The following FBXO39 variants were observed in gnomAD, a reference collection of about 807,000 sequenced individuals.
FBXO39 encodes F-box protein 39, also known as F-box only protein 39.
In FBXO39, 22 loss-of-function variants were observed where a neutral mutation model predicts 36.6. The ratio of observed to expected loss-of-function variants is 0.60; its 90% CI spans 0.43 to 0.86. The LOEUF (loss-of-function observed/expected upper bound fraction) is 0.86. Among genes scored for constraint, FBXO39 ranks in the 40% least tolerant of loss-of-function variants. FBXO39 has a pLI of 0.00. For missense variants in FBXO39, 536 were observed against 543.9 expected (o/e 0.99, Z 0.14); for synonymous variants, 206 against 205.8 (o/e 1.00, Z -0.01).
At chr17:6,777,984 C>G (rs1389660879) in intron 1 of FBXO39, among the ~76,000 whole-genome samples, 1 of 152,026 alleles carries the variant, frequency 6.6e-6, no homozygotes, top group Non-Finnish European at 1.5e-5. Context: ...GAGGACAAAG[C>G]CTGGAGAAGG....
chr17:6,780,600 G>C lies in FBXO39; in HGVS notation c.732G>C (p.Leu244Phe). Residue 244 changes from leucine (L) to phenylalanine (F), a missense_variant, in exon 2 of 4, where the codon TTG (leucine) becomes TTC (phenylalanine). By Grantham distance (22) the Leu-to-Phe change is conservative. Transcript: ENST00000321535. ...NCISDELLEN[L>F]CENASTLRTI... ...TCTCCGACGAGCTGCTTGAGAACTT[G>C]TGTGAGAATGCCAGCACCCTCCGGA... 2 of 1,614,074 alleles carry C rather than the reference G, an allele frequency of 1.2e-6. No homozygotes were observed. Among genetic ancestry groups the C allele is most frequent in the South Asian group, 2.2e-5 (2 of 91,082 alleles).
At chr17:6,779,447 C>T (rs1976475622) in intron 1 of FBXO39, among the ~76,000 whole-genome samples, 4 of 152,224 alleles carry the variant, frequency 2.6e-5, no homozygotes, top group African/African-American at 9.6e-5. Flanking sequence ...ATCCTACTCA[C>T]CCTTCAAAAC....
At chr17:6,777,248 C>A (rs996517097) in intron 1 of FBXO39, among the ~76,000 whole-genome samples, 6 of 151,914 alleles carry the variant, frequency 3.9e-5, no homozygotes, top group African/African-American at 1.2e-4. Context: ...TCCTAATGCT[C>A]TCCCTCCCCT....
chr17:6,781,575 G>A (rs1291049222), intron 2 of FBXO39, among the ~76,000 whole-genome samples: 1 of 152,148 alleles, frequency 6.6e-6, no homozygotes, highest in Non-Finnish European at 1.5e-5. Context: ...TAAACCAAAG[G>A]TGGGGTACGG....
At chr17:6,777,356 A>G (rs944756298) in intron 1 of FBXO39, among the ~76,000 whole-genome samples, 20 of 151,898 alleles carry the variant, frequency 1.3e-4, no homozygotes, top group Non-Finnish European at 2.2e-4. Context: ...GAGAACATGC[A>G]GTGTTTGATT....
chr17:6,784,935 G>A (rs1001794051), intron 2 of FBXO39, among the ~76,000 whole-genome samples: 5 of 118,880 alleles, frequency 4.2e-5, no homozygotes, highest in African/African-American at 2.0e-4. Flanking sequence ...ATATATGTGT[G>A]TGTGTGTGTG....
At position 6,787,479 on chromosome 17, in the gene FBXO39, A is replaced by G. The variant is rs576584466; in HGVS notation, c.*51A>G. On this transcript the variant is annotated 3_prime_UTR_variant, in exon 4 of 4. Transcript: ENST00000321535. ...TGGGAGCACTTTGAACTTGAAAATC[A>G]TTTCTCTTAGAACTACACTTGGGCA... is the stretch of plus-strand genomic sequence containing the variant. 1.9e-6 allele frequency: 3 copies of G among 1,605,158 alleles called. No homozygotes were observed. In the African/African-American group the frequency reaches 4.0e-5, roughly 22 times the overall value.
intron 2 of FBXO39, among the ~76,000 whole-genome samples, chr17:6,784,265 A>G (rs751213535): frequency 6.6e-6 from 1 of 152,160 alleles, no homozygotes; most frequent in Non-Finnish European, 1.5e-5. Flanking sequence ...AGCATACCTC[A>G]ATACAATAAA....
intron 2 of FBXO39, among the ~76,000 whole-genome samples, chr17:6,785,454 A>AC (rs59645389): frequency 0.064 from 9,675 of 152,232 alleles, 979 homozygotes; most frequent in African/African-American, 0.21. Context: ...CTTGAGCAAT[A>AC]CCCACAAGCA....
chr17:6,779,838 A>T lies in FBXO39; in HGVS notation c.-31A>T, dbSNP rs368869386. 2.6e-5 allele frequency: 41 copies of T among 1,592,008 alleles called. No individual in the cohort carries two copies. Among genetic ancestry groups the T allele is most frequent in the Non-Finnish European group, 3.3e-5 (38 of 1,167,452 alleles). On this transcript the variant is annotated 5_prime_UTR_variant, in exon 2 of 4. Transcript: ENST00000321535. ...CTCATTTTTGGAAGCCCTGCCTAACACACAGCTGCACTGTACATCCCAGTT... is the reference window on the plus strand; with the variant it reads ...CTCATTTTTGGAAGCCCTGCCTAACTCACAGCTGCACTGTACATCCCAGTT...
chr17:6,785,421 G>A (rs1319764932), intron 2 of FBXO39, among the ~76,000 whole-genome samples: 1 of 151,906 alleles, frequency 6.6e-6, no homozygotes, highest in Admixed American at 6.6e-5. Context: ...AACTCTCCAG[G>A]GCATTGAACT....
Position 6,787,546 on chromosome 17 carries a change from T to TTC in FBXO39, c.*119_*120insCT, listed in dbSNP as rs34033852. The TTC allele has an allele frequency of 0.23, 287,150 of 1,258,172 alleles. 37,687 individuals are homozygous for TTC. Among genetic ancestry groups the TTC allele is most frequent in the East Asian group, 0.61 (25,206 of 41,156 alleles). 77.9% of individuals were successfully genotyped at this position (1,258,172 alleles called of 1,614,324 possible). ...TCCTCTCTCTCCCCTCCACTTTTTT[T>TTC]TTTTGTCAGCTCCATGACAACATGA... On this transcript the variant is annotated 3_prime_UTR_variant, in exon 4 of 4. Transcript: ENST00000321535.
intron 2 of FBXO39, among the ~76,000 whole-genome samples, chr17:6,782,868 GAC>G (rs1976526081): frequency 6.6e-6 from 1 of 151,982 alleles, no homozygotes; most frequent in South Asian, 2.1e-4. Flanking sequence ...AGATCTTCAA[GAC>G]ACAAAATCAA....
At chr17:6,781,203 G>A (rs1374230571) in intron 2 of FBXO39, among the ~76,000 whole-genome samples, 10 of 152,182 alleles carry the variant, frequency 6.6e-5, no homozygotes, top group African/African-American at 2.4e-4. Flanking sequence ...GGCGAATAGC[G>A]GCTGGGCTGC....
At position 6,780,789 on chromosome 17, in the gene FBXO39, GATCAGGAGCATCA is replaced by G; in HGVS notation, c.922_934del (p.Ile308ValfsTer2). The G allele has an allele frequency of 6.2e-7, 1 of 1,614,104 alleles. No homozygotes were observed. Among genetic ancestry groups the G allele is most frequent in the Middle Eastern group, 1.6e-4 (1 of 6,062 alleles). The stretch of plus-strand genomic sequence containing the variant: ...CCCGAATCCTCTTGCAGGAGATCCC[GATCAGGAGCATCA>G]GTCTGAGAAGCTGCTATTTCAGTGA... On this transcript the variant is annotated frameshift_variant, in exon 2 of 4. Transcript: ENST00000321535. LOFTEE classifies it high-confidence loss of function.
chr17:6,779,787 A>G lies in FBXO39; in HGVS notation c.-80-2A>G. 7.2e-7 allele frequency: 1 copy of G among 1,390,446 alleles called. No homozygotes were observed. 86.1% of individuals were successfully genotyped at this position (1,390,446 alleles called of 1,614,324 possible). On this transcript the variant is annotated splice_acceptor_variant, in intron 1 of 3. Coordinates refer to ENST00000321535, the MANE Select transcript of FBXO39 (RefSeq NM_153230.3). LOFTEE classifies it low-confidence loss of function (5UTR_SPLICE). ...ATGGCTCTTCCTTTTTATTCCCCAC[A>G]GAAAGCAAGTGATTGCTTTCCTTTC... is the stretch of plus-strand genomic sequence containing the variant.
chr17:6,783,852 A>T (rs1297735546), intron 2 of FBXO39, among the ~76,000 whole-genome samples: 1 of 152,088 alleles, frequency 6.6e-6, no homozygotes, highest in African/African-American at 2.4e-5. Flanking sequence ...ACTAATACCA[A>T]TCCTACTCAA....
chr17:6,784,413 A>C (rs1175990105), intron 2 of FBXO39, among the ~76,000 whole-genome samples: 1 of 152,144 alleles, frequency 6.6e-6, no homozygotes, highest in Non-Finnish European at 1.5e-5. Context: ...TCCTAGCTAG[A>C]GCAATCAGAT....
chr17:6,780,138 G>A lies in FBXO39; in HGVS notation c.270G>A (p.Glu90=), dbSNP rs373018115. ...TTAAGAAGTTTGGTCGTTATCTGGA[G>A]CACCTGGAGGTCAAATTCATGAATC... The part of the protein sequence containing the change: ...WYVKKFGRYL[E]HLEVKFMNPY... The change falls in exon 2 of 4, where the codon GAG becomes GAA. Residue 90 remains glutamate (E), a synonymous_variant. Coordinates refer to ENST00000321535, the MANE Select transcript of FBXO39 (RefSeq NM_153230.3). The A allele has an allele frequency of 1.8e-4, 288 of 1,614,092 alleles. 1 individual carries two copies. The highest frequency in any genetic ancestry group is 2.4e-4 in the Non-Finnish European group (282 of 1,180,048).
Sources: gnomAD v4.1 joint callset for allele counts (sites outside exome capture counted in the v4.1 genomes callset) on GRCh38, gnomAD v4.1.1 for gene constraint, MANE v1.5 for transcripts, NCBI Gene and HGNC (gene_info 2026-07-23, HGNC 2026-07-21) for gene names.